The following CNOT4 variants were observed in gnomAD, a reference collection of about 807,000 sequenced individuals.
The protein encoded by CNOT4 is CCR4-NOT transcription complex subunit 4, also known as CCR4-associated factor 4.
In CNOT4, 8 loss-of-function variants were observed where a neutral mutation model predicts 73.8. The ratio of observed to expected loss-of-function variants is 0.11; its 90% confidence interval spans 0.06 to 0.20. The LOEUF (loss-of-function observed/expected upper bound fraction) is 0.20, where lower values mean the gene tolerates loss of function less well. CNOT4 is among the 10% of genes least tolerant of loss of function. The probability of loss-of-function intolerance (pLI) is 1.00; values close to 1 mark genes in which losing one functional copy is unlikely to be tolerated. For synonymous variants in CNOT4, 293 were observed against 321.1 expected, an observed-to-expected ratio of 0.91 and a Z score of 0.94; for missense variants, 564 against 883.4, an observed-to-expected ratio of 0.64 and a Z score of 4.58.
intron 1 of CNOT4, among the ~76,000 whole-genome samples, chr7:135,497,098 C>T (rs1280773174): frequency 6.6e-6 from 1 of 151,890 alleles, no homozygotes; most frequent in Non-Finnish European, 1.5e-5. Context: ...TGAGCCACTG[C>T]ACCCAGCTCT....
At chr7:135,390,670 T>A (rs1203601092) in intron 10 of CNOT4, among the ~76,000 whole-genome samples, 1 of 152,092 alleles carries the variant, frequency 6.6e-6, no homozygotes, top group African/African-American at 2.4e-5. Context: ...CAACTGTTTT[T>A]CCCATGATAG....
chr7:135,383,113 C>G (rs1233364784), intron 10 of CNOT4, among the ~76,000 whole-genome samples: 1 of 152,124 alleles, frequency 6.6e-6, no homozygotes, highest in Non-Finnish European at 1.5e-5. Context: ...TACTTTATCT[C>G]TACTGTTCAC....
intron 1 of CNOT4, among the ~76,000 whole-genome samples, chr7:135,507,396 A>G (rs1706615212): frequency 6.6e-6 from 1 of 152,222 alleles, no homozygotes; most frequent in Non-Finnish European, 1.5e-5. Flanking sequence ...AGATCAAAAA[A>G]CTAAAACCAA....
chr7:135,496,321 G>A (rs1162223189), intron 1 of CNOT4, among the ~76,000 whole-genome samples: 1 of 152,200 alleles, frequency 6.6e-6, no homozygotes, highest in Non-Finnish European at 1.5e-5. Context: ...TCAAACTCCT[G>A]ACCTCACGTC....
intron 7 of CNOT4, among the ~76,000 whole-genome samples, chr7:135,406,241 C>A (rs2129483873): frequency 6.6e-6 from 1 of 152,090 alleles, no homozygotes; most frequent in East Asian, 1.9e-4. Flanking sequence ...GTAACTTGGG[C>A]CATTAATTGT....
chr7:135,400,730 T>TA (rs1199763281), intron 7 of CNOT4, among the ~76,000 whole-genome samples: 1 of 152,174 alleles, frequency 6.6e-6, no homozygotes, highest in Non-Finnish European at 1.5e-5. Flanking sequence ...GGGAAGGTTT[T>TA]ATCAAAGATG....
At chr7:135,460,947 A>G (rs1420657296) in intron 1 of CNOT4, among the ~76,000 whole-genome samples, 1 of 152,246 alleles carries the variant, frequency 6.6e-6, no homozygotes, top group East Asian at 1.9e-4. Flanking sequence ...ACATAGGCAC[A>G]TACAATCTCT....
rs149589403 is a variant in CNOT4 at position 135,434,900 on chromosome 7, ACT to A, written c.174+3256_174+3257del. ...AGTCAAAACCCTGCAGTCATCCTCAACTCTCTGTTTGTATGGTGGTTCATGAA... is the reference window on the plus strand; with the variant it reads ...AGTCAAAACCCTGCAGTCATCCTCAACTCTGTTTGTATGGTGGTTCATGAA... On this transcript the variant is annotated intron_variant, in intron 2 of 11. Transcript: ENST00000541284. Among the ~76,000 whole-genome samples, 346 of 151,940 alleles carry A rather than the reference ACT, an allele frequency of 2.3e-3. 13 individuals carry two copies. The East Asian group carries it at 0.055, about 24-fold the overall frequency.
At chr7:135,477,369 T>C (rs1422083258) in intron 1 of CNOT4, among the ~76,000 whole-genome samples, 1 of 152,050 alleles carries the variant, frequency 6.6e-6, no homozygotes, top group Non-Finnish European at 1.5e-5. Flanking sequence ...TAATTTTACT[T>C]TTACTCACTG....
At chr7:135,458,179 C>T (rs564471797) in intron 1 of CNOT4, among the ~76,000 whole-genome samples, 1 of 152,212 alleles carries the variant, frequency 6.6e-6, no homozygotes, top group East Asian at 1.9e-4. Flanking sequence ...GCAAGTCACA[C>T]AAATTTTTTG....
chr7:135,409,207 C>T (rs542462413), intron 7 of CNOT4, among the ~76,000 whole-genome samples: 70 of 151,954 alleles, frequency 4.6e-4, no homozygotes, highest in African/African-American at 1.5e-3. Flanking sequence ...GAGGTGGCAA[C>T]GAATAAGATA....
intron 1 of CNOT4, among the ~76,000 whole-genome samples, chr7:135,445,968 C>T (rs957273430): frequency 6.6e-6 from 1 of 152,156 alleles, no homozygotes; most frequent in Non-Finnish European, 1.5e-5. Flanking sequence ...CCTCAAAATG[C>T]TGGGCTTTAT....
intron 10 of CNOT4, among the ~76,000 whole-genome samples, chr7:135,391,626 T>A (rs1054832084): frequency 2.6e-5 from 4 of 152,110 alleles, no homozygotes; most frequent in African/African-American, 9.6e-5. Context: ...CATAATTTAA[T>A]GTCACATTTT....
At chr7:135,469,043 G>A (rs1312576024) in intron 1 of CNOT4, among the ~76,000 whole-genome samples, 2 of 152,126 alleles carry the variant, frequency 1.3e-5, no homozygotes, top group South Asian at 4.1e-4. Flanking sequence ...TGAAGATTGA[G>A]AAAACTGAAC....
intron 1 of CNOT4, among the ~76,000 whole-genome samples, chr7:135,479,423 A>C (rs1802217857): frequency 6.6e-6 from 1 of 151,336 alleles, no homozygotes; most frequent in African/African-American, 2.4e-5. Flanking sequence ...GTTGGCTAGG[A>C]TGGTCTCGAT....
intron 2 of CNOT4, among the ~76,000 whole-genome samples, chr7:135,428,170 G>C (rs946030194): frequency 4.6e-5 from 7 of 152,156 alleles, no homozygotes; most frequent in African/African-American, 1.4e-4. Context: ...ATATTGCTTG[G>C]CTAGACCAAA....
chr7:135,385,944 A>G (rs1338023173), intron 10 of CNOT4, among the ~76,000 whole-genome samples: 1 of 152,206 alleles, frequency 6.6e-6, no homozygotes, highest in Non-Finnish European at 1.5e-5. Context: ...CTTTGTTGAA[A>G]TAAGGGGAGA....
intron 1 of CNOT4, among the ~76,000 whole-genome samples, chr7:135,469,663 A>G (rs1196926605): frequency 6.6e-6 from 1 of 152,190 alleles, no homozygotes; most frequent in East Asian, 1.9e-4. Flanking sequence ...ACTATGGTCC[A>G]GGGGAAAATA....
intron 2 of CNOT4, among the ~76,000 whole-genome samples, chr7:135,431,655 A>G (rs927056988): frequency 2.0e-5 from 3 of 152,088 alleles, no homozygotes; most frequent in Non-Finnish European, 4.4e-5. Flanking sequence ...AGGCAGGAGA[A>G]TCACTTGAAC....
Sources: gnomAD v4.1 joint callset for allele counts (sites outside exome capture counted in the v4.1 genomes callset) on GRCh38, gnomAD v4.1.1 for gene constraint, MANE v1.5 for transcripts, NCBI Gene and HGNC (gene_info 2026-07-23, HGNC 2026-07-21) for gene names.